NEK11: variants seen among roughly 807,000 people sequenced by gnomAD.
NEK11 encodes the protein serine/threonine-protein kinase Nek11.
Under a neutral mutation model 80.7 loss-of-function variants are expected in NEK11, and 72 were observed. The observed-to-expected ratio is 0.89, with a 90% CI of 0.74 to 1.08. NEK11 has a LOEUF of 1.08. NEK11 is among the 50% of genes least tolerant of loss of function. The pLI is 0.00. For synonymous variants in NEK11, 251 were observed against 260.7 expected (o/e 0.96, Z 0.36); for missense variants, 764 against 763.6 (o/e 1.00, Z -0.01).
At chr3:131,069,736 T>G (rs374866691) in intron 3 of NEK11, among the ~76,000 whole-genome samples, 2 of 149,400 alleles carry the variant, frequency 1.3e-5, no homozygotes, top group African/African-American at 2.5e-5. Context: ...AACAAAAAAC[T>G]AAACACCGCA....
intron 17 of NEK11, among the ~76,000 whole-genome samples, chr3:131,293,881 G>GTT (rs1405153263): frequency 2.6e-5 from 4 of 151,916 alleles, no homozygotes; most frequent in African/African-American, 9.7e-5. Context: ...TCATAGTATT[G>GTT]TTTTATGATC....
chr3:131,222,912 A>T (rs2095069619), intron 14 of NEK11, among the ~76,000 whole-genome samples: 1 of 152,256 alleles, frequency 6.6e-6, no homozygotes, highest in Admixed American at 6.5e-5. Flanking sequence ...GAAGGATCTG[A>T]TAAAGGCCAT....
chr3:131,238,588 A>G (rs775995606), intron 15 of NEK11, among the ~76,000 whole-genome samples: 4 of 152,128 alleles, frequency 2.6e-5, no homozygotes, highest in Admixed American at 6.6e-5. Context: ...AGGGAAGTCA[A>G]GGAGAATTTC....
At chr3:131,169,057 G>T (rs1361710910) in intron 13 of NEK11, 120 bp downstream of exon 13, 2 of 615,544 alleles carry the variant, frequency 3.2e-6, no homozygotes, top group Non-Finnish European at 5.5e-6. Flanking sequence ...GGTTTTAAAT[G>T]TAGCAGGAAA....
At chr3:131,074,788 G>A (rs1336938393) in intron 3 of NEK11, among the ~76,000 whole-genome samples, 2 of 152,136 alleles carry the variant, frequency 1.3e-5, no homozygotes, top group Non-Finnish European at 2.9e-5. Context: ...TTTTCTTCCT[G>A]CTCAAAGAAA....
At chr3:131,145,315 T>C (rs1420596347) in intron 7 of NEK11, among the ~76,000 whole-genome samples, 1 of 152,108 alleles carries the variant, frequency 6.6e-6, no homozygotes, top group Non-Finnish European at 1.5e-5. Context: ...TACCACATCT[T>C]TTTATAACCT....
At chr3:131,310,145 A>G (rs1007295436) in intron 17 of NEK11, among the ~76,000 whole-genome samples, 5 of 152,296 alleles carry the variant, frequency 3.3e-5, no homozygotes, top group Non-Finnish European at 5.9e-5. Flanking sequence ...TCAGTGCTCA[A>G]TAAATAGCTG....
intron 3 of NEK11, among the ~76,000 whole-genome samples, chr3:131,033,842 A>G (rs921528847): frequency 6.6e-6 from 1 of 152,206 alleles, no homozygotes; most frequent in Non-Finnish European, 1.5e-5. Context: ...TCTTCCTGGC[A>G]TAAATATTGG....
At chr3:131,235,737 C>T (rs1404584854) in intron 15 of NEK11, among the ~76,000 whole-genome samples, 1 of 152,204 alleles carries the variant, frequency 6.6e-6, no homozygotes, top group Non-Finnish European at 1.5e-5. Flanking sequence ...TAACATCTCT[C>T]ACCATTTACA....
At chr3:131,338,695 T>C (rs1296470864) in intron 17 of NEK11, among the ~76,000 whole-genome samples, 1 of 152,260 alleles carries the variant, frequency 6.6e-6, no homozygotes, top group Admixed American at 6.5e-5. Context: ...CACAGCAGTT[T>C]AGATGAATCT....
intron 4 of NEK11, among the ~76,000 whole-genome samples, chr3:131,094,740 TG>T (rs2077197193): frequency 6.6e-6 from 1 of 152,192 alleles, no homozygotes; most frequent in Non-Finnish European, 1.5e-5. Flanking sequence ...GATGTCCATC[TG>T]TAAGTATTCA....
chr3:131,266,078 T>G (rs2096051878), intron 16 of NEK11, among the ~76,000 whole-genome samples: 1 of 152,218 alleles, frequency 6.6e-6, no homozygotes. Flanking sequence ...TATCATTTTT[T>G]ATTGTGTCTA....
At chr3:131,215,362 C>T (rs150730818) in intron 14 of NEK11, among the ~76,000 whole-genome samples, 225 of 151,636 alleles carry the variant, frequency 1.5e-3, no homozygotes, top group Non-Finnish European at 2.1e-3. Context: ...ACATGGCACA[C>T]GTATACATAT....
At chr3:131,347,854 G>A (rs553653193) in intron 17 of NEK11, among the ~76,000 whole-genome samples, 29 of 151,828 alleles carry the variant, frequency 1.9e-4, no homozygotes, top group African/African-American at 6.3e-4. Flanking sequence ...CAGGAGAATC[G>A]CTTGAACCTG....
chr3:131,227,802 T>G (rs2107778967), intron 14 of NEK11, among the ~76,000 whole-genome samples: 1 of 152,298 alleles, frequency 6.6e-6, no homozygotes, highest in East Asian at 1.9e-4. Flanking sequence ...TTCATGGCCT[T>G]TCTTCACTGA....
At chr3:131,302,017 C>G (rs1267309020) in intron 17 of NEK11, among the ~76,000 whole-genome samples, 1 of 152,034 alleles carries the variant, frequency 6.6e-6, no homozygotes, top group East Asian at 1.9e-4. Context: ...CTTTTTATCA[C>G]TGATTCAGTT....
intron 3 of NEK11, among the ~76,000 whole-genome samples, chr3:131,076,659 T>C (rs1032131958): frequency 6.6e-6 from 1 of 152,194 alleles, no homozygotes; most frequent in African/African-American, 2.4e-5. Context: ...TTAGGCTAAG[T>C]GGGTACAGTA....
chr3:131,138,599 G>A (rs979301113), intron 7 of NEK11, among the ~76,000 whole-genome samples: 1 of 152,020 alleles, frequency 6.6e-6, no homozygotes, highest in African/African-American at 2.4e-5. Context: ...GGCCTTGGAC[G>A]AGACCTGGTG....
At chr3:131,223,604 T>TGTA (rs1299893863) in intron 14 of NEK11, among the ~76,000 whole-genome samples, 4 of 152,258 alleles carry the variant, frequency 2.6e-5, no homozygotes, top group Admixed American at 2.6e-4. Context: ...ATTTATGTAT[T>TGTA]GTCTGTTTTC....
Sources: allele counts gnomAD v4.1 joint callset (sites outside exome capture counted in the v4.1 genomes callset), GRCh38; gene constraint gnomAD v4.1.1; transcripts MANE v1.5; gene names NCBI Gene and HGNC (gene_info 2026-07-23, HGNC 2026-07-21).